Variants in ZHX2 observed in about 807,000 individuals in gnomAD.
The protein encoded by ZHX2 is zinc fingers and homeoboxes protein 2.
In ZHX2, 6 loss-of-function variants were observed where a neutral mutation model predicts 21.9. The observed-to-expected ratio is 0.27, with a 90% CI of 0.15 to 0.54. The LOEUF (loss-of-function observed/expected upper bound fraction) is 0.54, where lower values mean the gene tolerates loss of function less well. Among genes scored for constraint, ZHX2 ranks in the 20% least tolerant of loss-of-function variants. The pLI is 0.95. For missense variants in ZHX2, 908 were observed against 1,090.7 expected, an observed-to-expected ratio of 0.83 and a Z score of 2.36; for synonymous variants, 434 against 437.1, an observed-to-expected ratio of 0.99 and a Z score of 0.09.
chr8:122,929,784 C>G (rs1193523909), intron 2 of ZHX2, among the ~76,000 whole-genome samples: 1 of 152,192 alleles, frequency 6.6e-6, no homozygotes, highest in Non-Finnish European at 1.5e-5. Context: ...CACACTCAGT[C>G]TCAAAATCTA....
intron 2 of ZHX2, among the ~76,000 whole-genome samples, chr8:122,878,264 G>C (rs1442342520): frequency 2.6e-5 from 4 of 152,130 alleles, no homozygotes; most frequent in Non-Finnish European, 5.9e-5. Context: ...CCACAATAGT[G>C]CTTCATGACA....
chr8:122,907,846 T>C (rs541396038), intron 2 of ZHX2, among the ~76,000 whole-genome samples: 2 of 152,290 alleles, frequency 1.3e-5, no homozygotes, highest in South Asian at 4.1e-4. Flanking sequence ...TTTAGGCCAC[T>C]CCCAGCCCAG....
chr8:122,963,869 T>G (rs373752914), intron 3 of ZHX2, among the ~76,000 whole-genome samples: 17 of 87,836 alleles, frequency 1.9e-4, no homozygotes, highest in East Asian at 1.7e-3. Flanking sequence ...CTAAGTTGGG[T>G]TTTTTTTGTT....
At chr8:122,853,283 C>T (rs115571018) in intron 1 of ZHX2, among the ~76,000 whole-genome samples, 7 of 152,142 alleles carry the variant, frequency 4.6e-5, no homozygotes, top group South Asian at 2.1e-4. Flanking sequence ...CTTTTCACAT[C>T]GTATTTCCTT....
intron 1 of ZHX2, among the ~76,000 whole-genome samples, chr8:122,790,428 G>A (rs995762294): frequency 5.9e-5 from 9 of 152,090 alleles, no homozygotes; most frequent in African/African-American, 1.2e-4. Context: ...CTGAGCACCT[G>A]CCAGAGGAAG....
At chr8:122,801,880 A>G (rs894302373) in intron 1 of ZHX2, among the ~76,000 whole-genome samples, 17 of 152,116 alleles carry the variant, frequency 1.1e-4, no homozygotes, top group African/African-American at 4.1e-4. Flanking sequence ...GTTGACTTGG[A>G]ACTTTTCTAC....
chr8:122,803,496 G>A (rs1403790080), intron 1 of ZHX2, among the ~76,000 whole-genome samples: 2 of 152,204 alleles, frequency 1.3e-5, no homozygotes, highest in Admixed American at 1.3e-4. Context: ...TTCGTGAAGG[G>A]CTGTCCTGTG....
chr8:122,854,041 A>G (rs558104792), intron 1 of ZHX2, among the ~76,000 whole-genome samples: 9 of 152,242 alleles, frequency 5.9e-5, no homozygotes, highest in African/African-American at 1.9e-4. Flanking sequence ...ATAGTCAGTG[A>G]TCTACATGGT....
At chr8:122,972,817 A>G (rs536261639) in intron 3 of ZHX2, among the ~76,000 whole-genome samples, 1 of 152,278 alleles carries the variant, frequency 6.6e-6, no homozygotes, top group Admixed American at 6.5e-5. Context: ...ATCAAGTCCT[A>G]TAGGTACAGC....
chr8:122,822,099 T>C (rs1306432343), intron 1 of ZHX2, among the ~76,000 whole-genome samples: 2 of 152,164 alleles, frequency 1.3e-5, no homozygotes, highest in African/African-American at 2.4e-5. Flanking sequence ...CTGGCTCCTA[T>C]GTCAAGCAAA....
intron 1 of ZHX2, among the ~76,000 whole-genome samples, chr8:122,823,500 G>C (rs191944629): frequency 4.3e-4 from 65 of 152,348 alleles, no homozygotes; most frequent in Non-Finnish European, 7.8e-4. Context: ...TGGGTGATAA[G>C]ACTCCTACAT....
At chr8:122,961,872 A>T (rs1436095207) in intron 3 of ZHX2, among the ~76,000 whole-genome samples, 2 of 152,218 alleles carry the variant, frequency 1.3e-5, no homozygotes, top group Non-Finnish European at 2.9e-5. Flanking sequence ...CATTAGTACC[A>T]ATAGATACTG....
intron 2 of ZHX2, 117 bp from the exon 3 acceptor site, chr8:122,951,175 C>A (rs1813099781): frequency 3.8e-6 from 1 of 263,828 alleles, no homozygotes; most frequent in Non-Finnish European, 7.2e-6. Context: ...GTCTGTGCAT[C>A]CATAGATGTT....
chr8:122,805,674 C>A (rs760220350), intron 1 of ZHX2, among the ~76,000 whole-genome samples: 3 of 152,166 alleles, frequency 2.0e-5, no homozygotes, highest in Non-Finnish European at 4.4e-5. Flanking sequence ...AGCTGGCTGT[C>A]GTGGGTAGAT....
At chr8:122,809,858 G>A (rs1817891618) in intron 1 of ZHX2, among the ~76,000 whole-genome samples, 1 of 152,096 alleles carries the variant, frequency 6.6e-6, no homozygotes, top group African/African-American at 2.4e-5. Context: ...CATTCAAATT[G>A]TTTGAAGCTT....
intron 2 of ZHX2, among the ~76,000 whole-genome samples, chr8:122,912,503 C>T (rs1820506974): frequency 6.6e-6 from 1 of 152,134 alleles, no homozygotes; most frequent in African/African-American, 2.4e-5. Flanking sequence ...GAACAGAACC[C>T]CTAGTAGCAC....
intron 3 of ZHX2, among the ~76,000 whole-genome samples, chr8:122,967,300 C>T (rs1481060948): frequency 6.6e-6 from 1 of 152,206 alleles, no homozygotes; most frequent in Non-Finnish European, 1.5e-5. Context: ...ACATCTGGAA[C>T]TCAAGGGCTG....
At chr8:122,888,802 G>A (rs990682212) in intron 2 of ZHX2, among the ~76,000 whole-genome samples, 1 of 152,104 alleles carries the variant, frequency 6.6e-6, no homozygotes, top group Non-Finnish European at 1.5e-5. Context: ...TATTGTTAAC[G>A]GTAATCACTC....
At chr8:122,950,798 CT>C (rs1054219960) in intron 2 of ZHX2, among the ~76,000 whole-genome samples, 6 of 150,728 alleles carry the variant, frequency 4.0e-5, no homozygotes, top group Admixed American at 6.6e-5. Context: ...GGGGTGATTG[CT>C]TTTTTTTTCT....
Sources: gnomAD v4.1 joint callset for allele counts (sites outside exome capture counted in the v4.1 genomes callset) on GRCh38, gnomAD v4.1.1 for gene constraint, MANE v1.5 for transcripts, NCBI Gene and HGNC (gene_info 2026-07-23, HGNC 2026-07-21) for gene names.